The following SLC36A1 variants were observed in gnomAD, a reference collection of about 807,000 sequenced individuals.
SLC36A1 encodes solute carrier family 36 member 1, also known as proton-coupled amino acid transporter 1.
A neutral mutation model predicts 47.5 loss-of-function variants in SLC36A1; 30 were observed. That is an observed-to-expected ratio of 0.63 (90% confidence interval 0.47 to 0.86). The LOEUF (loss-of-function observed/expected upper bound fraction) is 0.86, where lower values mean the gene tolerates loss of function less well. SLC36A1 is among the 40% of genes least tolerant of loss of function. The probability of loss-of-function intolerance (pLI) is 0.00; values close to 1 mark genes in which losing one functional copy is unlikely to be tolerated. For synonymous variants in SLC36A1, 255 were observed against 249.7 expected (o/e 1.02, Z -0.20); for missense variants, 517 against 606.0 (o/e 0.85, Z 1.54).
At chr5:151,506,952 G>A in the SLC36A1 span, among the ~76,000 whole-genome samples, 3 of 152,198 alleles carry the variant, frequency 2.0e-5, no homozygotes, top group African/African-American at 7.2e-5. Context: ...GAATTTAAAG[G>A]AGTGCAATAG....
At chr5:151,502,650 ACCAAATG>A in the SLC36A1 span, among the ~76,000 whole-genome samples, 1 of 148,324 alleles carries the variant, frequency 6.7e-6, no homozygotes, top group East Asian at 1.9e-4. Flanking sequence ...CACAGACACC[ACCAAATG>A]CTGGTGAGAA....
the SLC36A1 span, chr5:151,347,434 A>G: frequency 6.2e-7 from 1 of 1,614,060 alleles, no homozygotes; most frequent in Non-Finnish European, 8.5e-7. Flanking sequence ...CTCCCTGGGG[A>G]CCCTCAGTAC....
Position 151,488,851 on chromosome 5 carries a change from G to T in SLC36A1, c.*597G>T, listed in dbSNP as rs369318089. On this transcript the variant is annotated 3_prime_UTR_variant, in exon 11 of 11. Coordinates refer to ENST00000243389, the MANE Select transcript of SLC36A1 (RefSeq NM_078483.4). ...GGCTTGCTGTGACCCCTAAGGCAATGCTTCTCTTCCCTGGATTCCTTAGTG... is the reference window on the plus strand; with the variant it reads ...GGCTTGCTGTGACCCCTAAGGCAATTCTTCTCTTCCCTGGATTCCTTAGTG... 10 of 155,682 alleles carry T rather than the reference G, an allele frequency of 6.4e-5. No homozygotes were observed. The highest frequency in any genetic ancestry group is 2.4e-4 in the African/African-American group (10 of 41,572). The allele number at this position is 155,682 out of a possible 1,614,324, so 9.6% of individuals were successfully genotyped here. A position where few individuals can be genotyped will look rare whatever the true frequency, so the allele number is the denominator to read the frequency against.
At chr5:151,422,988 A>C in the SLC36A1 span, among the ~76,000 whole-genome samples, 1 of 152,186 alleles carries the variant, frequency 6.6e-6, no homozygotes, top group South Asian at 2.1e-4. Flanking sequence ...AAAGACCTGA[A>C]CAGACACCTC....
At chr5:151,507,160 C>A in the SLC36A1 span, 1 of 1,579,902 alleles carries the variant, frequency 6.3e-7, no homozygotes, top group Non-Finnish European at 8.6e-7. Flanking sequence ...TGACCCATCT[C>A]CTCGCTGGAC....
chr5:151,428,404 G>T, the SLC36A1 span, among the ~76,000 whole-genome samples: 1 of 152,112 alleles, frequency 6.6e-6, no homozygotes, highest in Admixed American at 6.5e-5. Flanking sequence ...GGAGCAAGGG[G>T]TGGCCTAGCT....
chr5:151,376,444 C>T, the SLC36A1 span, among the ~76,000 whole-genome samples: 7 of 151,618 alleles, frequency 4.6e-5, no homozygotes, highest in Admixed American at 1.3e-4. Context: ...TTTATTATTT[C>T]TTTTCATTTG....
the SLC36A1 span, among the ~76,000 whole-genome samples, chr5:151,414,100 C>A: frequency 6.6e-6 from 1 of 151,972 alleles, no homozygotes. Flanking sequence ...AGCTCACAGG[C>A]TAGCTATAAA....
chr5:151,536,976 C>A, the SLC36A1 span, among the ~76,000 whole-genome samples: 2 of 152,190 alleles, frequency 1.3e-5, no homozygotes, highest in South Asian at 4.1e-4. Context: ...TGTATAAATT[C>A]TCCTGCCTTG....
chr5:151,485,658 C>T (rs558032879), intron 10 of SLC36A1, among the ~76,000 whole-genome samples: 4 of 152,342 alleles, frequency 2.6e-5, no homozygotes, highest in African/African-American at 9.6e-5. Flanking sequence ...CGTTTACACC[C>T]TCTGGGCCTC....
chr5:151,544,543 G>T, the SLC36A1 span: 1 of 1,613,832 alleles, frequency 6.2e-7, no homozygotes, highest in East Asian at 2.2e-5. Context: ...TGGACTCCGG[G>T]CCTGGGTGTG....
chr5:151,347,202 TG>T, the SLC36A1 span: 1 of 1,469,662 alleles, frequency 6.8e-7, no homozygotes, highest in South Asian at 1.1e-5. Context: ...ATCTGCACAG[TG>T]GGTTGAGGGT....
In SLC36A1 at chr5:151,462,666, C is replaced by CT. The variant is rs769677218; in HGVS notation, c.144-873dup. Among the ~76,000 whole-genome samples the CT allele has an allele frequency of 3.3e-3, 467 of 142,730 alleles. 2 individuals are homozygous for CT. Among genetic ancestry groups the CT allele is most frequent in the African/African-American group, 9.4e-3 (369 of 39,164 alleles). 93.6% of individuals were successfully genotyped at this position (142,730 alleles called of 152,430 possible). On this transcript the variant is annotated intron_variant, in intron 2 of 10. Transcript: ENST00000243389. The stretch of plus-strand genomic sequence containing the variant: ...GCATGAGCCACTGCACCTGGCCTGA[C>CT]TTTTTTTTTTTTTTAAATACTAAAT...
chr5:151,347,575 T>G, the SLC36A1 span: 12 of 1,344,242 alleles, frequency 8.9e-6, no homozygotes, highest in South Asian at 3.6e-5. Context: ...GTGCCCGGGC[T>G]GGCTCTGGCC....
intron 5 of SLC36A1, among the ~76,000 whole-genome samples, chr5:151,465,809 G>A (rs550354663): frequency 3.9e-5 from 6 of 152,280 alleles, no homozygotes; most frequent in South Asian, 4.1e-4. Flanking sequence ...AGAGCAGGGT[G>A]TGGAGATGAG....
the SLC36A1 span, among the ~76,000 whole-genome samples, chr5:151,382,769 T>C: frequency 1.3e-5 from 2 of 152,206 alleles, no homozygotes; most frequent in South Asian, 2.1e-4. Flanking sequence ...GAGTGAGTCA[T>C]TGGTACCAGA....
At chr5:151,478,191 A>G (rs896698594) in intron 9 of SLC36A1, among the ~76,000 whole-genome samples, 1 of 152,268 alleles carries the variant, frequency 6.6e-6, no homozygotes, top group African/African-American at 2.4e-5. Context: ...CTCAAGGCAC[A>G]TATACACAGT....
chr5:151,389,960 T>A, the SLC36A1 span, among the ~76,000 whole-genome samples: 6 of 152,212 alleles, frequency 3.9e-5, no homozygotes, highest in Admixed American at 6.5e-5. Flanking sequence ...GTATTTCTAG[T>A]TCTAGATCCT....
the SLC36A1 span, among the ~76,000 whole-genome samples, chr5:151,429,442 T>A: frequency 6.8e-6 from 1 of 147,318 alleles, no homozygotes; most frequent in Non-Finnish European, 1.5e-5. Flanking sequence ...AGTGAGAACA[T>A]AACAGTGTTT....
Sources: gnomAD v4.1 joint callset for allele counts (sites outside exome capture counted in the v4.1 genomes callset) on GRCh38, gnomAD v4.1.1 for gene constraint, MANE v1.5 for transcripts, NCBI Gene and HGNC (gene_info 2026-07-23, HGNC 2026-07-21) for gene names.